CCDC125: variants seen among roughly 807,000 people sequenced by gnomAD.
CCDC125 encodes coiled-coil domain-containing protein 125.
In CCDC125, 43 loss-of-function variants were observed where a neutral mutation model predicts 57.4. The ratio of observed to expected loss-of-function variants is 0.75; its 90% confidence interval spans 0.59 to 0.97. The LOEUF is 0.97. CCDC125 is among the 50% of genes least tolerant of loss of function. CCDC125 has a pLI of 0.00. For synonymous variants in CCDC125, 187 were observed against 195.2 expected, an observed-to-expected ratio of 0.96 and a Z score of 0.35; for missense variants, 563 against 595.7, an observed-to-expected ratio of 0.95 and a Z score of 0.57.
intron 7 of CCDC125, among the ~76,000 whole-genome samples, chr5:69,303,046 GT>G (rs1420434788): frequency 1.3e-5 from 2 of 152,128 alleles, no homozygotes; most frequent in Non-Finnish European, 2.9e-5. Context: ...TCGAGACCGA[GT>G]TTCGCTCTGT....
chr5:69,282,600 G>A lies in CCDC125; in HGVS notation c.*129C>T, dbSNP rs992908566. 7.1e-5 allele frequency: 50 copies of A among 705,888 alleles called. No homozygotes were observed. The highest frequency in any genetic ancestry group is 1.3e-4 in the African/African-American group (7 of 54,834). 43.7% of individuals were successfully genotyped at this position (705,888 alleles called of 1,614,324 possible). A position where few individuals can be genotyped will look rare whatever the true frequency, so the allele number is the denominator to read the frequency against. ...AAAATGTAGAAAATATTTGATTTAA[G>A]TGACCTCCTAAAATTTAGAAATACC... On this transcript the variant is annotated 3_prime_UTR_variant, in exon 12 of 12. Transcript: ENST00000396496.
chr5:69,273,660 G>A, the CCDC125 span, among the ~76,000 whole-genome samples: 16,549 of 152,212 alleles, frequency 0.11, 1,102 homozygotes, highest in South Asian at 0.19. Context: ...TTAGGGCAGA[G>A]CACTGTACAA....
chr5:69,285,123 C>CAAACA (rs68059872), intron 11 of CCDC125, among the ~76,000 whole-genome samples: 56,199 of 151,110 alleles, frequency 0.37, 10,876 homozygotes, highest in East Asian at 0.48. Flanking sequence ...AACCAAAAAA[C>CAAACA]AAACAAAACA....
intron 7 of CCDC125, 74 bp from the exon 8 acceptor site, chr5:69,300,201 A>T (rs1277121659): frequency 1.9e-6 from 2 of 1,051,090 alleles, no homozygotes; most frequent in Non-Finnish European, 3.0e-6. Context: ...TTACCCCAAC[A>T]TGACATATTC....
Position 69,313,965 on chromosome 5 carries a change from A to C in CCDC125, c.366+20T>G. The C allele has an allele frequency of 6.4e-7, 1 of 1,566,082 alleles. No individual in the cohort carries two copies. Among genetic ancestry groups the C allele is most frequent in the Non-Finnish European group, 8.8e-7 (1 of 1,136,336 alleles). On this transcript the variant is annotated intron_variant, in intron 3 of 11. Transcript: ENST00000396496. ...GGACCCAGCTAAACTGATAATTTTT[A>C]TATTAGCCAGAGTACCTACCTCTAA...
chr5:69,283,194 CATT>C (rs1752696951), intron 11 of CCDC125, among the ~76,000 whole-genome samples, 160 bp from the exon 12 acceptor site: 2 of 151,244 alleles, frequency 1.3e-5, no homozygotes, highest in South Asian at 4.2e-4. Flanking sequence ...GATCCCCAAA[CATT>C]ATACTACATG....
intron 11 of CCDC125, among the ~76,000 whole-genome samples, chr5:69,283,386 A>AT (rs1752747978): frequency 6.6e-6 from 1 of 151,448 alleles, no homozygotes. Flanking sequence ...CACCCAGCTA[A>AT]TTTTTTGCAT....
rs1188772942 is a variant in CCDC125, at chr5:69,311,218, G to C, written c.367-14C>G. 6.5e-7 allele frequency: 1 copy of C among 1,529,338 alleles called. No homozygotes were observed. The highest frequency in any genetic ancestry group is 1.4e-5 in the African/African-American group (1 of 72,934). 94.7% of individuals were successfully genotyped at this position (1,529,338 alleles called of 1,614,324 possible). A position where few individuals can be genotyped will look rare whatever the true frequency, so the allele number is the denominator to read the frequency against. ...CATTTCTACCTCCTGAGGACAGAAAGAAAATTAGTCTTCCTATCTGCAAGA... is the reference window on the plus strand; with the variant it reads ...CATTTCTACCTCCTGAGGACAGAAACAAAATTAGTCTTCCTATCTGCAAGA... On this transcript the variant is annotated splice_polypyrimidine_tract_variant and intron_variant, in intron 3 of 11. Coordinates refer to ENST00000396496, the MANE Select transcript of CCDC125 (RefSeq NM_176816.5).
chr5:69,286,967 G>A (rs1476794259), intron 10 of CCDC125, among the ~76,000 whole-genome samples: 2 of 147,522 alleles, frequency 1.4e-5, no homozygotes, highest in African/African-American at 5.0e-5. Flanking sequence ...GTAGTCTGGA[G>A]GATTGCTTAA....
rs1757474858 is a variant in CCDC125 at position 69,307,378 on chromosome 5, A to T, written c.532-476T>A. Among the ~76,000 whole-genome samples the T allele has an allele frequency of 2.0e-5, 3 of 151,948 alleles. No individual in the cohort carries two copies. In the South Asian group the frequency reaches 6.2e-4, roughly 32 times the overall value. On this transcript the variant is annotated intron_variant, in intron 5 of 11. Coordinates refer to ENST00000396496, the MANE Select transcript of CCDC125 (RefSeq NM_176816.5). ...GCAACGATAAGGATTTAAAAAAAAA[A>T]ATTTTTTTTAAGAAGAAAAATGGGC... is the stretch of plus-strand genomic sequence containing the variant.
chr5:69,327,134 G>A (rs563752378), intron 1 of CCDC125, among the ~76,000 whole-genome samples: 2 of 137,592 alleles, frequency 1.5e-5, no homozygotes, highest in Admixed American at 7.7e-5. Context: ...TTGCTCTGTC[G>A]CCCAGGCTGG....
chr5:69,307,040 G>C (rs1405723381), intron 5 of CCDC125, 138 bp from the exon 6 acceptor site: 1 of 1,049,450 alleles, frequency 9.5e-7, no homozygotes, highest in African/African-American at 1.6e-5. Context: ...TGCTCTAAAA[G>C]TATCTCTGAC....
chr5:69,278,703 C>CTTTT (rs34258569), downstream of CCDC125, among the ~76,000 whole-genome samples: 187 of 108,110 alleles, frequency 1.7e-3, 2 homozygotes, highest in African/African-American at 3.4e-3. Context: ...TCTCTCTCTC[C>CTTTT]TTTTTTTTTT....
chr5:69,306,912 G>GA lies in CCDC125; in HGVS notation c.532-11dup. ...GCAAGGCATTTATTTCCTATGGAAA[G>GA]AAAATAGTACCTTCATGGCAAATTA... On this transcript the variant is annotated splice_polypyrimidine_tract_variant and intron_variant, in intron 5 of 11. Transcript: ENST00000396496. The GA allele has an allele frequency of 3.4e-6, 5 of 1,490,654 alleles. No individual in the cohort carries two copies. In the East Asian group the frequency reaches 1.2e-4, roughly 37 times the overall value. 92.3% of individuals were successfully genotyped at this position (1,490,654 alleles called of 1,614,324 possible). A position where few individuals can be genotyped will look rare whatever the true frequency, so the allele number is the denominator to read the frequency against.
At chr5:69,278,625 A>G (rs925782083), downstream of CCDC125, among the ~76,000 whole-genome samples, 2 of 151,254 alleles carry the variant, frequency 1.3e-5, no homozygotes, top group South Asian at 4.2e-4. Flanking sequence ...GTAAGAGTGC[A>G]TGTAGTGAGA....
intron 3 of CCDC125, among the ~76,000 whole-genome samples, chr5:69,311,741 G>GGGGGGT (rs1758193085): frequency 6.7e-6 from 1 of 149,968 alleles, no homozygotes; most frequent in Non-Finnish European, 1.5e-5. Context: ...GCTTGAACCA[G>GGGGGGT]GAAGGTCTCT....
chr5:69,290,611 TTTTTTTTTC>T (rs1161073215), intron 10 of CCDC125, among the ~76,000 whole-genome samples: 8 of 141,188 alleles, frequency 5.7e-5, no homozygotes, highest in Non-Finnish European at 7.6e-5. Flanking sequence ...CCAGGTTTCT[TTTTTTTTTC>T]TTTTTTTTCT....
Position 69,306,948 on chromosome 5 carries a change from A to G in CCDC125, c.532-46T>C, listed in dbSNP as rs756229786. 2.4e-5 allele frequency: 35 copies of G among 1,444,412 alleles called. No individual in the cohort carries two copies. The South Asian group carries it at 5.5e-4, about 23-fold the overall frequency. The allele number at this position is 1,444,412 out of a possible 1,614,324, so 89.5% of individuals were successfully genotyped here. On this transcript the variant is annotated intron_variant, in intron 5 of 11. Coordinates refer to ENST00000396496, the MANE Select transcript of CCDC125 (RefSeq NM_176816.5). ...CTTCATGGCAAATTACTACAAATAA[A>G]TCATTTCAGGACATTGTGAATAGCT...
rs749994635 is a variant in CCDC125 at position 69,282,757 on chromosome 5, T to TG, written c.1507dup (p.His503ProfsTer28). 1 of 1,599,934 alleles carries TG rather than the reference T, an allele frequency of 6.3e-7. No individual in the cohort carries two copies. On this transcript the variant is annotated frameshift_variant, in exon 12 of 12. Transcript: ENST00000396496. LOFTEE classifies it high-confidence loss of function. The stretch of plus-strand genomic sequence containing the variant: ...AAATATGATACTTGATGGCAAAGAA[T>TG]GGGATCTTTTAAGAGTTCTATAGTT...
Sources: gnomAD v4.1 joint callset for allele counts (sites outside exome capture counted in the v4.1 genomes callset) on GRCh38, gnomAD v4.1.1 for gene constraint, MANE v1.5 for transcripts, NCBI Gene and HGNC (gene_info 2026-07-23, HGNC 2026-07-21) for gene names.